Variants in CACNA2D3 observed in about 807,000 individuals in gnomAD.
CACNA2D3 encodes the protein calcium voltage-gated channel auxiliary subunit alpha2delta 3, also known as voltage-dependent calcium channel subunit alpha-2/delta-3.
In CACNA2D3, 60 loss-of-function variants were observed where a neutral mutation model predicts 160.6. The observed-to-expected ratio is 0.37, with a 90% CI of 0.30 to 0.46. The LOEUF is 0.46. Ranked by LOEUF, CACNA2D3 falls within the 20% of genes least tolerant of loss-of-function variation. The pLI is 1.00. For synonymous variants in CACNA2D3, 558 were observed against 492.9 expected, an observed-to-expected ratio of 1.13 and a Z score of -1.75; for missense variants, 1,205 against 1,365.0, an observed-to-expected ratio of 0.88 and a Z score of 1.85.
At chr3:54,457,403 A>G (rs1700418476) in intron 4 of CACNA2D3, among the ~76,000 whole-genome samples, 1 of 152,034 alleles carries the variant, frequency 6.6e-6, no homozygotes, top group African/African-American at 2.4e-5. Context: ...GTTTTATTAC[A>G]TTGTCATTAG....
At chr3:54,491,986 G>A (rs764558681) in intron 4 of CACNA2D3, among the ~76,000 whole-genome samples, 9 of 152,184 alleles carry the variant, frequency 5.9e-5, no homozygotes, top group Non-Finnish European at 1.2e-4. Context: ...GCCCACCAGG[G>A]AGGGCACGCA....
At chr3:54,217,344 C>T (rs1701481337) in intron 2 of CACNA2D3, among the ~76,000 whole-genome samples, 1 of 152,114 alleles carries the variant, frequency 6.6e-6, no homozygotes, top group Non-Finnish European at 1.5e-5. Flanking sequence ...GTCTGAGCTG[C>T]CTCCCACCCT....
chr3:54,932,659 T>G (rs1000080299), intron 27 of CACNA2D3, among the ~76,000 whole-genome samples: 4 of 152,230 alleles, frequency 2.6e-5, no homozygotes, highest in Admixed American at 2.0e-4. Flanking sequence ...TGTCTTTCTC[T>G]GCCAAGGGGT....
At chr3:54,522,005 G>A (rs1411073324) in intron 5 of CACNA2D3, among the ~76,000 whole-genome samples, 1 of 152,144 alleles carries the variant, frequency 6.6e-6, no homozygotes, top group Non-Finnish European at 1.5e-5. Flanking sequence ...TTTTTCAAGA[G>A]TGTTTTGGCT....
At chr3:54,186,907 A>G (rs1576986592) in intron 2 of CACNA2D3, among the ~76,000 whole-genome samples, 1 of 152,256 alleles carries the variant, frequency 6.6e-6, no homozygotes, top group East Asian at 1.9e-4. Context: ...GCCAAGCTCC[A>G]GGTGTGGCCA....
intron 2 of CACNA2D3, among the ~76,000 whole-genome samples, chr3:54,232,099 A>G (rs552565013): frequency 1.3e-5 from 2 of 152,346 alleles, no homozygotes; most frequent in Non-Finnish European, 2.9e-5. Context: ...GTATATGTGC[A>G]TATACTTTAT....
At chr3:54,590,849 G>A (rs1702845396) in intron 9 of CACNA2D3, among the ~76,000 whole-genome samples, 1 of 152,140 alleles carries the variant, frequency 6.6e-6, no homozygotes, top group Non-Finnish European at 1.5e-5. Flanking sequence ...TTGAAGAGAA[G>A]CTTTATCAAA....
At chr3:54,588,742 A>G (rs562150943) in intron 9 of CACNA2D3, among the ~76,000 whole-genome samples, 1 of 152,238 alleles carries the variant, frequency 6.6e-6, no homozygotes, top group Middle Eastern at 3.4e-3. Context: ...AAACATGTGT[A>G]TATAGGCTGT....
rs145210391 is a variant in CACNA2D3, at chr3:54,134,127, T to G, written c.204+10533T>G. ...GCCACAGTTCTGTTTTTCTGTACAA[T>G]CGACAGCTAGCTTGAAAGCCACAGC... On this transcript the variant is annotated intron_variant, in intron 2 of 37. Transcript: ENST00000474759. Among the ~76,000 whole-genome samples, 350 of 152,364 alleles carry G rather than the reference T, an allele frequency of 2.3e-3. 1 individual carries two copies. Among genetic ancestry groups the G allele is most frequent in the Non-Finnish European group, 3.8e-3 (257 of 68,040 alleles).
At chr3:54,197,688 A>G (rs936813837) in intron 2 of CACNA2D3, among the ~76,000 whole-genome samples, 1 of 152,146 alleles carries the variant, frequency 6.6e-6, no homozygotes, top group Admixed American at 6.5e-5. Context: ...CCTTTTGGGA[A>G]CTGCTCTTGT....
At chr3:54,286,976 CCAA>C in intron 2 of CACNA2D3, among the ~76,000 whole-genome samples, 1 of 152,122 alleles carries the variant, frequency 6.6e-6, no homozygotes, top group African/African-American at 2.4e-5. Flanking sequence ...CAAAAACATG[CCAA>C]ATTGAAAAGA....
intron 11 of CACNA2D3, among the ~76,000 whole-genome samples, chr3:54,662,353 G>A (rs1232185417): frequency 1.3e-5 from 2 of 152,152 alleles, no homozygotes; most frequent in African/African-American, 2.4e-5. Flanking sequence ...TAGCCTTGTT[G>A]ACCACAACAA....
chr3:54,892,603 T>C (rs1700094729), intron 25 of CACNA2D3, among the ~76,000 whole-genome samples: 1 of 152,164 alleles, frequency 6.6e-6, no homozygotes, highest in African/African-American at 2.4e-5. Flanking sequence ...TAACGACTTT[T>C]TTAAGCGTTT....
At chr3:55,019,800 G>A (rs1703408251) in intron 35 of CACNA2D3, among the ~76,000 whole-genome samples, 1 of 152,124 alleles carries the variant, frequency 6.6e-6, no homozygotes, top group Non-Finnish European at 1.5e-5. Flanking sequence ...ATGAGATTAG[G>A]CAACCATGTC....
At chr3:55,064,831 C>G (rs1308693054) in intron 35 of CACNA2D3, among the ~76,000 whole-genome samples, 1 of 152,214 alleles carries the variant, frequency 6.6e-6, no homozygotes, top group East Asian at 1.9e-4. Context: ...AGATCTCTGG[C>G]TGTGTGACTG....
Position 54,176,738 on chromosome 3 carries a change from A to T in CACNA2D3, c.204+53144A>T, listed in dbSNP as rs915828398. 2.6e-5 allele frequency among the ~76,000 whole-genome samples: 4 copies of T among 152,264 alleles called. No individual in the cohort carries two copies. In the East Asian group the frequency reaches 7.7e-4, roughly 29 times the overall value. On this transcript the variant is annotated intron_variant, in intron 2 of 37. Transcript: ENST00000474759. ...CCCTATACTTATTCATTACCAGGTGATTTAAAGCCTTCCTTTGTTGATTTT... is the reference window on the plus strand; with the variant it reads ...CCCTATACTTATTCATTACCAGGTGTTTTAAAGCCTTCCTTTGTTGATTTT...
rs532655728 is a variant in CACNA2D3, at chr3:54,124,439, C to G, written c.204+845C>G. On this transcript the variant is annotated intron_variant, in intron 2 of 37. Coordinates refer to ENST00000474759, the MANE Select transcript of CACNA2D3 (RefSeq NM_018398.3). ...AAGTTAGCAGATCAACAGGATTAAT[C>G]AAAGTATTCTCTTGATGATAGAAAA... 2.0e-4 allele frequency among the ~76,000 whole-genome samples: 30 copies of G among 152,222 alleles called. 1 individual carries two copies. Among genetic ancestry groups the G allele is most frequent in the Admixed American group, 7.8e-4 (12 of 15,292 alleles).
intron 35 of CACNA2D3, among the ~76,000 whole-genome samples, chr3:55,050,486 TG>T (rs1704175943): frequency 6.6e-6 from 1 of 151,416 alleles, no homozygotes; most frequent in Non-Finnish European, 1.5e-5. Context: ...GTTAGTCTGA[TG>T]GGCTTCCCTT....
intron 27 of CACNA2D3, among the ~76,000 whole-genome samples, chr3:54,950,754 A>G (rs1448843263): frequency 1.3e-5 from 2 of 152,192 alleles, no homozygotes; most frequent in Non-Finnish European, 2.9e-5. Flanking sequence ...GCTGAGCCTC[A>G]GATACCAATA....
Sources: gnomAD v4.1 joint callset for allele counts (sites outside exome capture counted in the v4.1 genomes callset) on GRCh38, gnomAD v4.1.1 for gene constraint, MANE v1.5 for transcripts, NCBI Gene and HGNC (gene_info 2026-07-23, HGNC 2026-07-21) for gene names.